The following ERC1 variants were observed in gnomAD, a reference collection of about 807,000 sequenced individuals.
The protein encoded by ERC1 is ELKS/RAB6-interacting/CAST family member 1, also known as RAB6 interacting protein 2.
ERC1 carries 56 observed loss-of-function variants against 132.0 expected under a neutral mutation model. The observed-to-expected ratio is 0.42, with a 90% CI of 0.34 to 0.53. The LOEUF (loss-of-function observed/expected upper bound fraction) is 0.53, where lower values mean the gene tolerates loss of function less well. ERC1 is among the 20% of genes least tolerant of loss of function. ERC1 has a pLI of 0.03. For synonymous variants in ERC1, 478 were observed against 476.1 expected, an observed-to-expected ratio of 1.00 and a Z score of -0.05; for missense variants, 1,202 against 1,349.9, an observed-to-expected ratio of 0.89 and a Z score of 1.72.
At chr12:1,428,230 C>T (rs1251365671) in intron 17 of ERC1, among the ~76,000 whole-genome samples, 19 of 152,174 alleles carry the variant, frequency 1.2e-4, no homozygotes, top group Admixed American at 9.8e-4. Context: ...AAACTCTTCA[C>T]GTATTACTTG....
intron 14 of ERC1, among the ~76,000 whole-genome samples, chr12:1,278,882 G>A (rs1028493734): frequency 2.0e-5 from 3 of 151,878 alleles, no homozygotes; most frequent in African/African-American, 7.3e-5. Flanking sequence ...TTTAGAATAC[G>A]GATAGCCCTA....
chr12:1,115,224 A>G (rs1946320771), intron 6 of ERC1, among the ~76,000 whole-genome samples: 1 of 152,054 alleles, frequency 6.6e-6, no homozygotes, highest in Non-Finnish European at 1.5e-5. Context: ...AAGGTGTTAG[A>G]AAGAAAATAC....
At chr12:1,272,712 G>A (rs989281884) in intron 14 of ERC1, among the ~76,000 whole-genome samples, 1 of 152,130 alleles carries the variant, frequency 6.6e-6, no homozygotes, top group South Asian at 2.1e-4. Context: ...CACTTTGGGA[G>A]GCTGAGGCAG....
chr12:1,475,903 G>A (rs1045021569), intron 18 of ERC1, among the ~76,000 whole-genome samples: 1 of 151,926 alleles, frequency 6.6e-6, no homozygotes, highest in Admixed American at 6.6e-5. Flanking sequence ...GGCTGAAGTG[G>A]GAGGATTGCT....
At chr12:1,480,400 G>C (rs572551994) in intron 18 of ERC1, among the ~76,000 whole-genome samples, 1 of 152,160 alleles carries the variant, frequency 6.6e-6, no homozygotes, top group Non-Finnish European at 1.5e-5. Flanking sequence ...AGTGCTGCCC[G>C]TAATTATGGT....
intron 18 of ERC1, among the ~76,000 whole-genome samples, chr12:1,464,723 T>C (rs987481841): frequency 6.6e-6 from 1 of 151,764 alleles, no homozygotes; most frequent in African/African-American, 2.4e-5. Context: ...GGTTTCACCG[T>C]GTTAGCCAGG....
Position 1,369,130 on chromosome 12 carries a change from G to A in ERC1, c.2781-2703G>A, listed in dbSNP as rs541069721. Among the ~76,000 whole-genome samples the A allele has an allele frequency of 1.2e-4, 18 of 152,242 alleles. 1 individual carries two copies. Among genetic ancestry groups the A allele is most frequent in the African/African-American group, 4.3e-4 (18 of 41,546 alleles). ...AAAAATACTTCAAATTATATATCTT[G>A]TTAAAAAGACACTATTCCAATGGCT... is the stretch of plus-strand genomic sequence containing the variant. On this transcript the variant is annotated intron_variant, in intron 15 of 18. Coordinates refer to ENST00000360905, the MANE Select transcript of ERC1 (RefSeq NM_178040.4).
intron 12 of ERC1, among the ~76,000 whole-genome samples, chr12:1,195,687 A>G (rs937141215): frequency 6.6e-6 from 1 of 152,172 alleles, no homozygotes; most frequent in African/African-American, 2.4e-5. Flanking sequence ...CAGCGTCCAG[A>G]GAGTGACAGT....
intron 2 of ERC1, among the ~76,000 whole-genome samples, chr12:1,061,185 A>G (rs1344024591): frequency 3.9e-5 from 6 of 152,128 alleles, no homozygotes; most frequent in Admixed American, 6.6e-5. Flanking sequence ...GTTGTTCATA[A>G]TGGCGTCTAA....
rs552551802 is a variant in ERC1 at position 1,224,291 on chromosome 12, C to T, written c.2352-12478C>T. Reference sequence around the variant, plus strand: ...CACAGACAGACACGCATACACAGGACGAGAAGGTGGGGGTAGGCAAGAGAT... The same window carrying T: ...CACAGACAGACACGCATACACAGGATGAGAAGGTGGGGGTAGGCAAGAGAT... On this transcript the variant is annotated intron_variant, in intron 12 of 18. Transcript: ENST00000360905. Among the ~76,000 whole-genome samples, 20 of 150,882 alleles carry T rather than the reference C, an allele frequency of 1.3e-4. No individual in the cohort carries two copies. In the South Asian group the frequency reaches 2.9e-3, roughly 22 times the overall value.
intron 16 of ERC1, among the ~76,000 whole-genome samples, chr12:1,398,264 G>A (rs1321981782): frequency 2.0e-5 from 3 of 152,106 alleles, no homozygotes; most frequent in South Asian, 2.1e-4. Flanking sequence ...AATTGTAGAC[G>A]TGAGCCACCG....
chr12:1,007,763 A>C (rs576703578), intron 1 of ERC1, among the ~76,000 whole-genome samples: 6 of 151,384 alleles, frequency 4.0e-5, no homozygotes, highest in African/African-American at 1.5e-4. Flanking sequence ...ATTCAGTTGC[A>C]CTAGCCACAC....
At chr12:1,270,038 G>A (rs964380540) in intron 14 of ERC1, among the ~76,000 whole-genome samples, 4 of 152,268 alleles carry the variant, frequency 2.6e-5, no homozygotes, top group Non-Finnish European at 4.4e-5. Flanking sequence ...AATAATTTTC[G>A]ATGACACGTT....
intron 2 of ERC1, among the ~76,000 whole-genome samples, chr12:1,053,734 TAAGAA>T (rs758350496): frequency 1.1e-4 from 16 of 152,354 alleles, no homozygotes; most frequent in Non-Finnish European, 1.2e-4. Flanking sequence ...AACTAAACTT[TAAGAA>T]AAGAGTCCTT....
chr12:1,467,285 T>A (rs527598472), intron 18 of ERC1, among the ~76,000 whole-genome samples: 8 of 152,162 alleles, frequency 5.3e-5, no homozygotes, highest in Non-Finnish European at 1.2e-4. Flanking sequence ...GAATGAGGCA[T>A]CTCTCTGAGG....
Position 1,329,130 on chromosome 12 carries a change from C to T in ERC1, c.2780+39118C>T, listed in dbSNP as rs747457229. On this transcript the variant is annotated intron_variant, in intron 15 of 18. Coordinates refer to ENST00000360905, the MANE Select transcript of ERC1 (RefSeq NM_178040.4). ...CCAACATAGTGAAACCCCATCTCTACTAAAAAATACAAAATTAGCCAGGCG... is the reference window on the plus strand; with the variant it reads ...CCAACATAGTGAAACCCCATCTCTATTAAAAAATACAAAATTAGCCAGGCG... 1.1e-4 allele frequency among the ~76,000 whole-genome samples: 16 copies of T among 145,966 alleles called. 1 individual carries two copies. The highest frequency in any genetic ancestry group is 3.4e-4 in the Admixed American group (5 of 14,620).
chr12:1,008,811 G>A (rs1053284791), intron 1 of ERC1, among the ~76,000 whole-genome samples: 3 of 152,094 alleles, frequency 2.0e-5, no homozygotes, highest in African/African-American at 2.4e-5. Flanking sequence ...ATTAAGTATC[G>A]GTTTTTAAAG....
chr12:1,170,456 A>G (rs1054788283), intron 8 of ERC1, among the ~76,000 whole-genome samples: 3 of 152,184 alleles, frequency 2.0e-5, no homozygotes, highest in Non-Finnish European at 2.9e-5. Context: ...TAACTGAACA[A>G]CTTCAAGGGA....
chr12:1,451,388 G>A (rs12300475), intron 18 of ERC1, among the ~76,000 whole-genome samples: 7,049 of 152,236 alleles, frequency 0.046, 192 homozygotes, highest in Non-Finnish European at 0.051. Flanking sequence ...CAAAGCAGGA[G>A]GATTGCTTGA....
Sources: allele counts gnomAD v4.1 joint callset (sites outside exome capture counted in the v4.1 genomes callset), GRCh38; gene constraint gnomAD v4.1.1; transcripts MANE v1.5; gene names NCBI Gene and HGNC (gene_info 2026-07-23, HGNC 2026-07-21).